The following CTNNA2 variants were observed in gnomAD, a reference collection of about 807,000 sequenced individuals.
CTNNA2 encodes the protein catenin alpha-2.
Under a neutral mutation model 101.0 loss-of-function variants are expected in CTNNA2, and 42 were observed. The observed-to-expected ratio is 0.42, with a 90% CI of 0.32 to 0.54. The LOEUF (loss-of-function observed/expected upper bound fraction) is 0.54, where lower values mean the gene tolerates loss of function less well. Among genes scored for constraint, CTNNA2 ranks in the 20% least tolerant of loss-of-function variants. The probability of loss-of-function intolerance (pLI) is 0.14; values close to 1 mark genes in which losing one functional copy is unlikely to be tolerated. For missense variants in CTNNA2, 871 were observed against 1,223.1 expected, an observed-to-expected ratio of 0.71 and a Z score of 4.29; for synonymous variants, 450 against 456.4, an observed-to-expected ratio of 0.99 and a Z score of 0.18.
intron 9 of CTNNA2, among the ~76,000 whole-genome samples, chr2:80,479,013 T>C (rs1057037115): frequency 9.0e-5 from 6 of 66,384 alleles, no homozygotes. Flanking sequence ...TGAGCATGGG[T>C]TTTTTTTTTA....
chr2:80,020,603 C>A (rs2104099797), intron 7 of CTNNA2, among the ~76,000 whole-genome samples: 1 of 152,206 alleles, frequency 6.6e-6, no homozygotes, highest in Non-Finnish European at 1.5e-5. Context: ...TCATGTACAC[C>A]ATTCTAGTTA....
intron 9 of CTNNA2, among the ~76,000 whole-genome samples, chr2:80,492,256 A>C (rs148362929): frequency 6.6e-6 from 1 of 152,130 alleles, no homozygotes; most frequent in African/African-American, 2.4e-5. Context: ...CATGTAAGAC[A>C]TGCTTGCTTC....
At chr2:79,450,521 A>G (rs1371571296) in intron 4 of CTNNA2, among the ~76,000 whole-genome samples, 2 of 152,106 alleles carry the variant, frequency 1.3e-5, no homozygotes, top group Non-Finnish European at 2.9e-5. Flanking sequence ...AAACTGTTCC[A>G]TAAGATAGAA....
At chr2:79,542,277 A>G (rs1425610867) in intron 1 of CTNNA2, among the ~76,000 whole-genome samples, 1 of 152,194 alleles carries the variant, frequency 6.6e-6, no homozygotes, top group African/African-American at 2.4e-5. Context: ...CGAAAGAAAG[A>G]AATTTTGTAT....
chr2:80,381,279 A>G (rs886906065), intron 7 of CTNNA2, among the ~76,000 whole-genome samples: 4 of 151,986 alleles, frequency 2.6e-5, no homozygotes, highest in Admixed American at 1.3e-4. Context: ...AAAAGACAGC[A>G]TAAGTGGGCT....
intron 2 of CTNNA2, among the ~76,000 whole-genome samples, chr2:79,717,564 A>G (rs1366939142): frequency 6.6e-6 from 1 of 152,174 alleles, no homozygotes; most frequent in Non-Finnish European, 1.5e-5. Flanking sequence ...TGACCCGATC[A>G]TTCCTAAGAT....
rs7596355 is a variant in CTNNA2 at position 80,289,957 on chromosome 2, C to T, written c.1057-103254C>T. On this transcript the variant is annotated intron_variant, in intron 7 of 18. Coordinates refer to ENST00000402739, the MANE Select transcript of CTNNA2 (RefSeq NM_001282597.3). Reference sequence around the variant, plus strand: ...GGAGGAGAGTTTGAAGGATATGGGCCTCAAAAGTCACTGTGTGTGAGGGGC... The same window carrying T: ...GGAGGAGAGTTTGAAGGATATGGGCTTCAAAAGTCACTGTGTGTGAGGGGC... Among the ~76,000 whole-genome samples the T allele has an allele frequency of 7.0e-4, 107 of 152,228 alleles. 2 individuals carry two copies. The highest frequency in any genetic ancestry group is 2.3e-3 in the African/African-American group (96 of 41,520).
chr2:80,376,930 T>G (rs1235350747), intron 7 of CTNNA2, among the ~76,000 whole-genome samples: 3 of 152,182 alleles, frequency 2.0e-5, no homozygotes, highest in African/African-American at 7.2e-5. Context: ...TCATTACTGA[T>G]TTCATTACCC....
At chr2:79,904,613 ACC>A (rs1249797459) in intron 6 of CTNNA2, among the ~76,000 whole-genome samples, 1 of 152,168 alleles carries the variant, frequency 6.6e-6, no homozygotes, top group Non-Finnish European at 1.5e-5. Context: ...GAGCTGAATG[ACC>A]ATGGGACAAC....
chr2:79,922,882 A>G lies in CTNNA2; in HGVS notation c.1056+13085A>G, dbSNP rs369519437. ...TTCTTTTCATTACTTTGTGTTATAT[A>G]TTAATGAATCTAGAGACAACATTGG... On this transcript the variant is annotated intron_variant, in intron 7 of 18. Coordinates refer to ENST00000402739, the MANE Select transcript of CTNNA2 (RefSeq NM_001282597.3). Among the ~76,000 whole-genome samples the G allele has an allele frequency of 3.9e-5, 6 of 152,264 alleles. No homozygotes were observed. In the East Asian group the frequency reaches 9.6e-4, roughly 24 times the overall value.
chr2:80,394,076 G>A (rs547211694), intron 8 of CTNNA2, among the ~76,000 whole-genome samples: 1 of 152,132 alleles, frequency 6.6e-6, no homozygotes, highest in Admixed American at 6.5e-5. Context: ...TGTAGCTTTG[G>A]CTATGTCCAT....
At chr2:79,357,541 A>G (rs2104443899) in intron 3 of CTNNA2, among the ~76,000 whole-genome samples, 1 of 152,284 alleles carries the variant, frequency 6.6e-6, no homozygotes, top group East Asian at 1.9e-4. Flanking sequence ...TAGAAAAGAG[A>G]GAGAATGGGC....
chr2:79,508,575 G>A (rs556694754), upstream of CTNNA2, among the ~76,000 whole-genome samples: 20 of 152,142 alleles, frequency 1.3e-4, no homozygotes, highest in Admixed American at 4.6e-4. Flanking sequence ...ATTCAAATTG[G>A]TCAAAAGACA....
At chr2:79,571,481 G>C (rs559126269) in intron 1 of CTNNA2, among the ~76,000 whole-genome samples, 1 of 152,130 alleles carries the variant, frequency 6.6e-6, no homozygotes, top group Non-Finnish European at 1.5e-5. Flanking sequence ...TATTTTCTTT[G>C]TTCCTTTCTT....
chr2:79,874,147 G>A lies in CTNNA2; in HGVS notation c.657G>A (p.Met219Ile). The change falls in exon 6 of 19, where the codon ATG (methionine) becomes ATA (isoleucine). Residue 219 changes from methionine to isoleucine, a missense_variant. Physicochemically the swap from Met to Ile is conservative, Grantham distance 10. This residue lies in a region of CTNNA2 where 647 missense variants were observed against 831.5 expected (regional missense o/e 0.78). Coordinates refer to ENST00000402739, the MANE Select transcript of CTNNA2 (RefSeq NM_001282597.3). ...GGGCTCTGAAGAAGAATGCCACAAT[G>A]CTGTACACGGCCTCTCAAGCATTTC... Reference protein sequence around the residue: ...ARGALKKNATMLYTASQAFLR... With the variant: ...ARGALKKNATILYTASQAFLR... The A allele has an allele frequency of 6.2e-7, 1 of 1,614,196 alleles. No homozygotes were observed. The highest frequency in any genetic ancestry group is 8.5e-7 in the Non-Finnish European group (1 of 1,180,032).
At position 79,374,627 on chromosome 2, in the gene CTNNA2, A is replaced by G. The variant is rs550213802; in HGVS notation, c.-135+614A>G. 1.1e-4 allele frequency among the ~76,000 whole-genome samples: 17 copies of G among 152,156 alleles called. No individual in the cohort carries two copies. In the South Asian group the frequency reaches 3.5e-3, roughly 32 times the overall value. On this transcript the variant is annotated intron_variant, in intron 4 of 21. Transcript: ENST00000466387. ...TTTCTGTAGATGATGTATATTTTTT[A>G]TCTTTTTTCTGTGTCTTCATTGATA...
intron 1 of CTNNA2, among the ~76,000 whole-genome samples, chr2:79,601,032 G>A (rs1242631192): frequency 6.6e-6 from 1 of 152,098 alleles, no homozygotes; most frequent in African/African-American, 2.4e-5. Flanking sequence ...TCGTAACAGT[G>A]TGTATGTATA....
At chr2:80,563,591 G>C (rs1693795784) in intron 12 of CTNNA2, among the ~76,000 whole-genome samples, 1 of 152,080 alleles carries the variant, frequency 6.6e-6, no homozygotes, top group Non-Finnish European at 1.5e-5. Context: ...GGCTAGAGTG[G>C]TCTCCAACTC....
chr2:79,755,692 A>C (rs1429564620), intron 3 of CTNNA2, among the ~76,000 whole-genome samples: 1 of 152,214 alleles, frequency 6.6e-6, no homozygotes, highest in Non-Finnish European at 1.5e-5. Context: ...TAGCACCCCA[A>C]GTAAATCTTA....
Sources: gnomAD v4.1 joint callset for allele counts (sites outside exome capture counted in the v4.1 genomes callset) on GRCh38, gnomAD v4.1.1 for gene constraint, gnomAD v4.1.1 regional missense constraint, MANE v1.5 for transcripts, NCBI Gene and HGNC (gene_info 2026-07-23, HGNC 2026-07-21) for gene names.